NIPAL2: variants seen among roughly 807,000 people sequenced by gnomAD.
NIPAL2 encodes the protein NIPA-like protein 2.
NIPAL2 carries 43 observed loss-of-function variants against 48.9 expected under a neutral mutation model. That is an observed-to-expected ratio of 0.88 (90% CI 0.69 to 1.13). The LOEUF is 1.13. NIPAL2 is among the 50% of genes most tolerant of loss of function. NIPAL2 has a pLI of 0.00. For missense variants in NIPAL2, 446 were observed against 461.4 expected, an observed-to-expected ratio of 0.97 and a Z score of 0.31; for synonymous variants, 167 against 174.6, an observed-to-expected ratio of 0.96 and a Z score of 0.34.
intron 4 of NIPAL2, among the ~76,000 whole-genome samples, chr8:98,232,471 T>C (rs1812484018): frequency 6.6e-6 from 1 of 152,148 alleles, no homozygotes; most frequent in African/African-American, 2.4e-5. Flanking sequence ...TGGTGGGTGA[T>C]GGTGGTAGTA....
At chr8:98,239,776 C>T (rs1197909609) in intron 3 of NIPAL2, among the ~76,000 whole-genome samples, 1 of 152,092 alleles carries the variant, frequency 6.6e-6, no homozygotes, top group Non-Finnish European at 1.5e-5. Context: ...TATTAAGATA[C>T]ATTTACTTTC....
At chr8:98,248,855 C>T (rs1484405393) in intron 3 of NIPAL2, among the ~76,000 whole-genome samples, 1 of 152,116 alleles carries the variant, frequency 6.6e-6, no homozygotes, top group African/African-American at 2.4e-5. Flanking sequence ...TAAAAGATGA[C>T]ACAAGGATAC....
intron 3 of NIPAL2, among the ~76,000 whole-genome samples, chr8:98,245,145 G>A (rs1192024491): frequency 6.6e-6 from 1 of 152,090 alleles, no homozygotes; most frequent in African/African-American, 2.4e-5. Context: ...CACTTATAAT[G>A]GCAACTTTAT....
intron 6 of NIPAL2, among the ~76,000 whole-genome samples, chr8:98,211,507 G>A (rs924931020): frequency 8.5e-5 from 13 of 152,134 alleles, no homozygotes; most frequent in Non-Finnish European, 1.6e-4. Flanking sequence ...TGATGAGATA[G>A]GAACATGAAA....
chr8:98,243,830 C>T (rs574156412), intron 3 of NIPAL2, among the ~76,000 whole-genome samples: 1 of 152,062 alleles, frequency 6.6e-6, no homozygotes, highest in Admixed American at 6.6e-5. Flanking sequence ...ATGGGCATTC[C>T]CTTTTTAAAT....
chr8:98,205,356 T>C (rs1452679805), intron 6 of NIPAL2, 110 bp from the exon 7 acceptor site: 16 of 967,048 alleles, frequency 1.7e-5, no homozygotes, highest in Non-Finnish European at 2.0e-5. Flanking sequence ...GGTTTAAGAA[T>C]GAACACAGTT....
At chr8:98,277,943 G>T (rs1815575315) in intron 1 of NIPAL2, among the ~76,000 whole-genome samples, 1 of 151,758 alleles carries the variant, frequency 6.6e-6, no homozygotes, top group Admixed American at 6.6e-5. Context: ...TTTTCTTCTG[G>T]CTTCAGTGTC....
chr8:98,289,052 T>C (rs929389039), intron 1 of NIPAL2, among the ~76,000 whole-genome samples: 2 of 152,224 alleles, frequency 1.3e-5, no homozygotes, highest in Non-Finnish European at 2.9e-5. Context: ...TTTTAATCTA[T>C]AGGTCATCCA....
At chr8:98,266,796 A>G (rs1290448230) in intron 1 of NIPAL2, among the ~76,000 whole-genome samples, 1 of 152,154 alleles carries the variant, frequency 6.6e-6, no homozygotes, top group African/African-American at 2.4e-5. Context: ...ATAAAGAAAG[A>G]AAACAATACC....
At chr8:98,281,703 G>A (rs1449490512) in intron 1 of NIPAL2, among the ~76,000 whole-genome samples, 1 of 152,326 alleles carries the variant, frequency 6.6e-6, no homozygotes, top group East Asian at 1.9e-4. Context: ...AACAAGCAGA[G>A]CACAGCCTGT....
chr8:98,279,124 T>G lies in NIPAL2; in HGVS notation c.135+14879A>C, dbSNP rs1424190565. 2.0e-5 allele frequency among the ~76,000 whole-genome samples: 3 copies of G among 152,322 alleles called. No individual in the cohort carries two copies. The East Asian group carries it at 5.8e-4, about 29-fold the overall frequency. ...AAGGTTGATTGCATGCTTATTAAAT[T>G]TATTTAATACATTTCTTTGAATGGT... On this transcript the variant is annotated intron_variant, in intron 1 of 10. Transcript: ENST00000430223.
At chr8:98,280,853 T>C (rs1815790586) in intron 1 of NIPAL2, among the ~76,000 whole-genome samples, 1 of 150,016 alleles carries the variant, frequency 6.7e-6, no homozygotes, top group Admixed American at 6.6e-5. Flanking sequence ...GTGAGGGACA[T>C]ATGGTATTTA....
intron 3 of NIPAL2, 156 bp downstream of exon 3, chr8:98,252,307 A>G (rs1188769778): frequency 1.4e-6 from 1 of 697,538 alleles, no homozygotes. Context: ...ATGACAATGG[A>G]TCGCTGAAAT....
In NIPAL2 at chr8:98,222,529, C is replaced by G. The variant is rs772396589; in HGVS notation, c.508G>C (p.Ala170Pro). The stretch of plus-strand genomic sequence containing the variant: ...ACAAGGTAATACTGTACTGTTCTTG[C>G]TGAGATTGCCTGAGTTATATTTGGA... ...FAPNITQAIS[A>P]RTVQYYLVGW... The change falls in exon 5 of 11, where the codon GCA (alanine) becomes CCA (proline). Residue 170 changes from alanine (A) to proline (P), a missense_variant. Physicochemically the swap from Ala to Pro is conservative, Grantham distance 27. Coordinates refer to ENST00000430223, the MANE Select transcript of NIPAL2 (RefSeq NM_001321635.2). 1.9e-5 allele frequency: 31 copies of G among 1,614,028 alleles called. No individual in the cohort carries two copies. The East Asian group carries it at 6.5e-4, about 34-fold the overall frequency.
chr8:98,194,921 T>C (rs1211866750), intron 9 of NIPAL2, 99 bp from the exon 10 acceptor site: 8 of 628,048 alleles, frequency 1.3e-5, no homozygotes, highest in Non-Finnish European at 5.0e-6. Context: ...ATAAATCCCA[T>C]TGGTTTTGTT....
Position 98,242,488 on chromosome 8 carries a change from A to ATTTTTTTTTTTTTT in NIPAL2, c.377-6288_377-6275dup, listed in dbSNP as rs568464494. 4.0e-3 allele frequency among the ~76,000 whole-genome samples: 467 copies of ATTTTTTTTTTTTTT among 117,716 alleles called. 17 individuals carry two copies. Among genetic ancestry groups the ATTTTTTTTTTTTTT allele is most frequent in the African/African-American group, 0.014 (430 of 30,270 alleles). 77.2% of individuals were successfully genotyped at this position (117,716 alleles called of 152,430 possible). On this transcript the variant is annotated intron_variant, in intron 3 of 10. Transcript: ENST00000430223. ...AGGCAAAAGCCACTGCACCTGACAG[A>ATTTTTTTTTTTTTT]TTTTTTTTTTTTTTTTTTTAACTGA... is the stretch of plus-strand genomic sequence containing the variant.
intron 5 of NIPAL2, among the ~76,000 whole-genome samples, chr8:98,219,122 TGGAAGAGAAGAGAGAGTTTG>T (rs1356732255): frequency 2.0e-5 from 3 of 151,996 alleles, no homozygotes; most frequent in Admixed American, 1.3e-4. Context: ...GAGGCTGACA[TGGAAGAGAAGAGAGAGTTTG>T]GGGGAGAAGA....
At chr8:98,203,034 G>A (rs896997787) in intron 8 of NIPAL2, 74 bp downstream of exon 8, 1 of 1,161,512 alleles carries the variant, frequency 8.6e-7, no homozygotes, top group Admixed American at 1.7e-5. Flanking sequence ...AAAGATTTCT[G>A]GATTCTCTCA....
chr8:98,216,384 GT>G (rs778034050), intron 5 of NIPAL2, among the ~76,000 whole-genome samples: 2 of 152,330 alleles, frequency 1.3e-5, no homozygotes, highest in Non-Finnish European at 2.9e-5. Context: ...AGAACAGAAT[GT>G]AGTCTGAGCT....
Sources: gnomAD v4.1 joint callset for allele counts (sites outside exome capture counted in the v4.1 genomes callset) on GRCh38, gnomAD v4.1.1 for gene constraint, MANE v1.5 for transcripts, NCBI Gene and HGNC (gene_info 2026-07-23, HGNC 2026-07-21) for gene names.